GPC5: variants seen among roughly 807,000 people sequenced by gnomAD.
The protein encoded by GPC5 is glypican-5.
A neutral mutation model predicts 53.9 loss-of-function variants in GPC5; 47 were observed. The ratio of observed to expected loss-of-function variants is 0.87; its 90% CI spans 0.69 to 1.11. The LOEUF (loss-of-function observed/expected upper bound fraction) is 1.11, where lower values mean the gene tolerates loss of function less well. Ranked by LOEUF, GPC5 falls within the 50% of genes most tolerant of loss-of-function variation. GPC5 has a pLI of 0.00. For synonymous variants in GPC5, 286 were observed against 263.3 expected (o/e 1.09, Z -0.84); for missense variants, 748 against 713.1 (o/e 1.05, Z -0.56).
intron 7 of GPC5, among the ~76,000 whole-genome samples, chr13:92,816,928 A>T (rs1877496886): frequency 6.6e-6 from 1 of 151,878 alleles, no homozygotes; most frequent in South Asian, 2.1e-4. Context: ...CCTGGGTGAG[A>T]TATCTGGATT....
At chr13:92,853,426 T>A (rs1234942356) in intron 7 of GPC5, among the ~76,000 whole-genome samples, 1 of 152,184 alleles carries the variant, frequency 6.6e-6, no homozygotes, top group African/African-American at 2.4e-5. Flanking sequence ...GGAAGATATA[T>A]AGGATATATA....
Position 91,941,478 on chromosome 13 carries a change from T to C in GPC5, c.1401+33421T>C, listed in dbSNP as rs532822563. 3.2e-3 allele frequency among the ~76,000 whole-genome samples: 487 copies of C among 152,240 alleles called. 1 individual carries two copies. The highest frequency in any genetic ancestry group is 0.014 in the Middle Eastern group (4 of 294). On this transcript the variant is annotated intron_variant, in intron 6 of 7. Coordinates refer to ENST00000377067, the MANE Select transcript of GPC5 (RefSeq NM_004466.6). ...AATCATCATGCTTATTAAATGTTCC[T>C]GGGGATTAGTTCCTAGGAACTCTCT...
At chr13:92,548,271 T>C (rs1210903467) in intron 7 of GPC5, among the ~76,000 whole-genome samples, 1 of 151,844 alleles carries the variant, frequency 6.6e-6, no homozygotes, top group African/African-American at 2.4e-5. Flanking sequence ...TCATTTTTAA[T>C]TGAAGAAAAT....
At chr13:91,553,462 A>T (rs2030765924) in intron 2 of GPC5, among the ~76,000 whole-genome samples, 1 of 152,106 alleles carries the variant, frequency 6.6e-6, no homozygotes, top group South Asian at 2.1e-4. Flanking sequence ...AACCTAGTGC[A>T]GTGTGCATTT....
intron 2 of GPC5, among the ~76,000 whole-genome samples, chr13:91,627,744 T>C (rs1344774080): frequency 6.6e-6 from 1 of 152,124 alleles, no homozygotes; most frequent in Non-Finnish European, 1.5e-5. Flanking sequence ...AGATGTGATT[T>C]CATAAAATGA....
At chr13:91,708,208 C>T (rs1453390749) in intron 3 of GPC5, among the ~76,000 whole-genome samples, 2 of 151,914 alleles carry the variant, frequency 1.3e-5, no homozygotes, top group African/African-American at 4.8e-5. Context: ...AGGACATAGT[C>T]TTAAAGTTCT....
chr13:91,611,830 C>G (rs2033559281), intron 2 of GPC5, among the ~76,000 whole-genome samples: 1 of 152,192 alleles, frequency 6.6e-6, no homozygotes. Context: ...TGCAGCTCTC[C>G]TGATGCTCTC....
chr13:92,521,883 C>G (rs1478035999), intron 7 of GPC5, among the ~76,000 whole-genome samples: 1 of 152,104 alleles, frequency 6.6e-6, no homozygotes, highest in Non-Finnish European at 1.5e-5. Flanking sequence ...ACCCACCTGA[C>G]AAAGGGCTAA....
intron 3 of GPC5, among the ~76,000 whole-genome samples, chr13:91,699,608 G>A (rs1281331030): frequency 6.6e-6 from 1 of 152,284 alleles, no homozygotes; most frequent in African/African-American, 2.4e-5. Flanking sequence ...AAAAGAAAAG[G>A]CATAAGAATT....
At chr13:91,587,937 A>C (rs1450610041) in intron 2 of GPC5, among the ~76,000 whole-genome samples, 1 of 152,174 alleles carries the variant, frequency 6.6e-6, no homozygotes, top group Non-Finnish European at 1.5e-5. Context: ...CTATTAAAGT[A>C]ATGAGATTTC....
chr13:91,814,438 AT>A (rs889046559), intron 5 of GPC5, among the ~76,000 whole-genome samples: 4 of 152,298 alleles, frequency 2.6e-5, no homozygotes, highest in African/African-American at 9.6e-5. Context: ...ACATCATAAT[AT>A]TCGGTATTTT....
intron 5 of GPC5, among the ~76,000 whole-genome samples, chr13:91,775,488 A>G (rs2037696706): frequency 6.6e-6 from 1 of 152,134 alleles, no homozygotes; most frequent in South Asian, 2.1e-4. Flanking sequence ...TTTTGTGTAC[A>G]AATCCCTTCA....
chr13:92,722,052 T>C (rs1463395141), intron 7 of GPC5, among the ~76,000 whole-genome samples: 1 of 152,044 alleles, frequency 6.6e-6, no homozygotes, highest in African/African-American at 2.4e-5. Context: ...TTTGCCTATA[T>C]ATCTCAGTAT....
chr13:92,031,603 G>T (rs1001793054), intron 6 of GPC5, among the ~76,000 whole-genome samples: 1 of 141,712 alleles, frequency 7.1e-6, no homozygotes, highest in Non-Finnish European at 1.5e-5. Flanking sequence ...GGAACAATTT[G>T]CAATTGCAAA....
At chr13:91,854,544 C>T (rs1051303323) in intron 5 of GPC5, among the ~76,000 whole-genome samples, 7 of 151,662 alleles carry the variant, frequency 4.6e-5, no homozygotes, top group African/African-American at 1.7e-4. Context: ...CCTCTTCCCC[C>T]TCCCCAAACT....
chr13:92,691,367 G>T (rs1887386037), intron 7 of GPC5, among the ~76,000 whole-genome samples: 1 of 143,550 alleles, frequency 7.0e-6, no homozygotes. Context: ...ACTCGGAAAG[G>T]GAACTCCCTG....
At chr13:92,496,176 C>T (rs890204005) in intron 7 of GPC5, among the ~76,000 whole-genome samples, 2 of 151,752 alleles carry the variant, frequency 1.3e-5, no homozygotes, top group African/African-American at 2.4e-5. Context: ...TTTTATAATT[C>T]GAATATAATT....
chr13:92,178,509 T>C (rs1028001505), intron 7 of GPC5, among the ~76,000 whole-genome samples: 1 of 150,594 alleles, frequency 6.6e-6, no homozygotes, highest in African/African-American at 2.4e-5. Flanking sequence ...ATATATATAC[T>C]ATTATTAAAT....
intron 7 of GPC5, among the ~76,000 whole-genome samples, chr13:92,212,195 G>T (rs760922012): frequency 6.6e-6 from 1 of 152,042 alleles, no homozygotes; most frequent in Admixed American, 6.6e-5. Context: ...GATCAAAGCC[G>T]GGGAGGGAAC....
Sources: allele counts gnomAD v4.1 joint callset (sites outside exome capture counted in the v4.1 genomes callset), GRCh38; gene constraint gnomAD v4.1.1; transcripts MANE v1.5; gene names NCBI Gene and HGNC (gene_info 2026-07-23, HGNC 2026-07-21).